Variants in TM2D2 observed in about 807,000 individuals in gnomAD.
TM2D2 encodes TM2 domain-containing protein 2.
A neutral mutation model predicts 23.0 loss-of-function variants in TM2D2; 19 were observed. The observed-to-expected ratio is 0.82, with a 90% CI of 0.58 to 1.21. TM2D2 has a LOEUF of 1.21. TM2D2 is among the 50% of genes most tolerant of loss of function. TM2D2 has a pLI of 0.00. For synonymous variants in TM2D2, 120 were observed against 108.8 expected (o/e 1.10, Z -0.64); for missense variants, 246 against 265.4 (o/e 0.93, Z 0.51).
rs777013596 is a variant in TM2D2, at chr8:38,996,293, G to A, written c.147C>T (p.Ala49=). Residue 49 remains alanine (A), a synonymous_variant, in exon 1 of 4, where the codon GCC becomes GCT. Coordinates refer to ENST00000456397, the MANE Select transcript of TM2D2 (RefSeq NM_078473.3). ...TAEPELTSAG[A]AQPEGPGGAA... is the part of the protein sequence containing the mutation. ...CACCCCCGGGGCCCTCCGGCTGGGC[G>A]GCGCCAGCGGATGTGAGCTCAGGCT... The A allele has an allele frequency of 1.2e-6, 2 of 1,613,914 alleles. No homozygotes were observed. The highest frequency in any genetic ancestry group is 8.5e-7 in the Non-Finnish European group (1 of 1,180,004).
intron 3 of TM2D2, among the ~76,000 whole-genome samples, chr8:38,992,409 TC>T (rs908133940): frequency 2.1e-5 from 3 of 144,902 alleles, no homozygotes; most frequent in African/African-American, 7.6e-5. Context: ...GCCCAGGAGG[TC>T]GAGGCTGCAG....
chr8:38,995,512 C>G lies in TM2D2; in HGVS notation c.228-107G>C, dbSNP rs760025937. 58 of 1,572,888 alleles carry G rather than the reference C, an allele frequency of 3.7e-5. No individual in the cohort carries two copies. In the East Asian group the frequency reaches 1.3e-3, roughly 34 times the overall value. On this transcript the variant is annotated intron_variant, in intron 1 of 3. Coordinates refer to ENST00000456397, the MANE Select transcript of TM2D2 (RefSeq NM_078473.3). ...AAAAGACATTTCTTCATCAAGTTTT[C>G]TGGGGTTCGGTTTCACCCTGCTGAC... is the stretch of plus-strand genomic sequence containing the variant.
upstream of TM2D2, chr8:38,996,830 T>C: frequency 6.9e-7 from 1 of 1,439,744 alleles, no homozygotes; most frequent in South Asian, 1.4e-5. Context: ...AATCCTATTC[T>C]CGCGCCGGGG....
rs148181206 is a variant in TM2D2, at chr8:38,995,117, A to G, written c.315+201T>C. ...TTGGTCTTTGCACCTGGGTGGTTTT[A>G]GCACAGAGATTGCTCCTTCATAAGG... On this transcript the variant is annotated intron_variant, in intron 2 of 3. Transcript: ENST00000456397. The G allele has an allele frequency of 5.7e-4, 275 of 482,588 alleles. 1 individual carries two copies. The highest frequency in any genetic ancestry group is 5.1e-3 in the African/African-American group (248 of 49,038). The allele number at this position is 482,588 out of a possible 1,614,324, so 29.9% of individuals were successfully genotyped here.
intron 2 of TM2D2, 61 bp downstream of exon 2, chr8:38,995,257 C>T: frequency 8.5e-7 from 1 of 1,183,306 alleles, no homozygotes; most frequent in Non-Finnish European, 1.2e-6. Flanking sequence ...TATGTAATAG[C>T]ATTCAGACAT....
rs752509518 is a variant in TM2D2 at position 38,991,551 on chromosome 8, TGAAAGGAATG to T, written c.432-16_432-7del. 2 of 1,599,618 alleles carry T rather than the reference TGAAAGGAATG, an allele frequency of 1.3e-6. No homozygotes were observed. Among genetic ancestry groups the T allele is most frequent in the East Asian group, 4.5e-5 (2 of 44,832 alleles). On this transcript the variant is annotated splice_region_variant and splice_polypyrimidine_tract_variant and intron_variant, in intron 3 of 3. Transcript: ENST00000456397. ...TGAAGTAGTGTCCGGTATACCTAGG[TGAAAGGAATG>T]AAAAGGAAGATGTTTTACTGCACGA...
Position 38,991,407 on chromosome 8 carries a change from C to A in TM2D2, c.570G>T (p.Trp190Cys). The A allele has an allele frequency of 6.2e-7, 1 of 1,614,166 alleles. No individual in the cohort carries two copies. Among genetic ancestry groups the A allele is most frequent in the Non-Finnish European group, 8.5e-7 (1 of 1,180,042 alleles). Residue 190 changes from tryptophan (W) to cysteine (C), a missense_variant, in exon 4 of 4, where the codon TGG becomes TGT. Transcript: ENST00000456397. ...LLTLGGLGIW[W>C]FVDLILLITG... is the part of the protein sequence containing the mutation. ...TAATTAGCAAAATAAGGTCAACAAACCACCAAATCCCAAGTCCTCCAAGCG... is the reference window on the plus strand; with the variant it reads ...TAATTAGCAAAATAAGGTCAACAAAACACCAAATCCCAAGTCCTCCAAGCG...
At chr8:38,995,548 G>C in intron 1 of TM2D2, 143 bp from the exon 2 acceptor site, 1 of 1,518,910 alleles carries the variant, frequency 6.6e-7, no homozygotes, top group Non-Finnish European at 8.8e-7. Flanking sequence ...CCCTTTCCAA[G>C]CCAATTAAAC....
intron 1 of TM2D2, chr8:38,995,624 C>T: frequency 6.9e-7 from 1 of 1,442,162 alleles, no homozygotes; most frequent in Middle Eastern, 2.1e-4. Flanking sequence ...GGAGGTGTTT[C>T]TGGTCCTGTT....
chr8:38,995,588 C>T (rs1835745541), intron 1 of TM2D2, 183 bp from the exon 2 acceptor site: 1 of 1,479,278 alleles, frequency 6.8e-7, no homozygotes. Flanking sequence ...CGGACAGCCA[C>T]CAAAATGAAC....
Position 38,988,843 on chromosome 8 carries a change from A to G in TM2D2, c.*2489T>C, listed in dbSNP as rs772410113. 2 of 152,174 alleles carry G rather than the reference A, an allele frequency of 1.3e-5. No individual in the cohort carries two copies. Among genetic ancestry groups the G allele is most frequent in the Admixed American group, 6.6e-5 (1 of 15,264 alleles). 9.4% of individuals were successfully genotyped at this position (152,174 alleles called of 1,614,324 possible). Reference sequence around the variant, plus strand: ...CTGATAACATTTTATTAAAGGCAAGAAACAACTAAAAGGCAGGCAGCTTCT... The same window carrying G: ...CTGATAACATTTTATTAAAGGCAAGGAACAACTAAAAGGCAGGCAGCTTCT... On this transcript the variant is annotated 3_prime_UTR_variant, in exon 4 of 4. Coordinates refer to ENST00000456397, the MANE Select transcript of TM2D2 (RefSeq NM_078473.3).
At chr8:38,996,034 A>G (rs948818337) in intron 1 of TM2D2, among the ~76,000 whole-genome samples, 179 bp downstream of exon 1, 5 of 152,156 alleles carry the variant, frequency 3.3e-5, no homozygotes, top group African/African-American at 1.2e-4. Flanking sequence ...TCACTGACAC[A>G]CAAGAGTTTT....
rs1316972765 is a variant in TM2D2, at chr8:38,989,324, C to T, written c.*2008G>A. 6.6e-6 allele frequency: 1 copy of T among 152,212 alleles called. No homozygotes were observed. The highest frequency in any genetic ancestry group is 1.5e-5 in the Non-Finnish European group (1 of 68,096). The allele number at this position is 152,212 out of a possible 1,614,324, so 9.4% of individuals were successfully genotyped here. A position where few individuals can be genotyped will look rare whatever the true frequency, so the allele number is the denominator to read the frequency against. ...GGAGCTGCAAAATTTCTTTTTTGGT[C>T]AGAGTCTCACTCTGTTGCCCAGGCT... On this transcript the variant is annotated 3_prime_UTR_variant, in exon 4 of 4. Transcript: ENST00000456397.
At chr8:38,993,849 C>A in intron 2 of TM2D2, 189 bp from the exon 3 acceptor site, 2 of 416,928 alleles carry the variant, frequency 4.8e-6, no homozygotes, top group Non-Finnish European at 8.8e-6. Flanking sequence ...TAAAGGTACA[C>A]TGTCTTAAAT....
upstream of TM2D2, chr8:38,996,787 C>G (rs1450391339): frequency 5.6e-6 from 8 of 1,421,536 alleles, no homozygotes; most frequent in Non-Finnish European, 7.3e-6. Flanking sequence ...GACTGGCGGG[C>G]CGACTAGTGC....
At chr8:38,994,471 A>G (rs184917300) in intron 2 of TM2D2, among the ~76,000 whole-genome samples, 36 of 152,348 alleles carry the variant, frequency 2.4e-4, no homozygotes, top group African/African-American at 7.0e-4. Flanking sequence ...TTTAATCAAT[A>G]ATTATCAACA....
At chr8:38,995,704 A>C in intron 1 of TM2D2, 2 of 1,307,938 alleles carry the variant, frequency 1.5e-6, no homozygotes, top group Non-Finnish European at 1.9e-6. Flanking sequence ...CTGGGGGCAA[A>C]ATTTAAGCCA....
rs767489866 is a variant in TM2D2, at chr8:38,991,395, A to T, written c.582T>A (p.Leu194=). ...GGLGIWWFVD[L]ILLITGGLMP... is the part of the protein sequence containing the mutation. Reference sequence around the variant, plus strand: ...TCAGCCCTCCAGTAATTAGCAAAATAAGGTCAACAAACCACCAAATCCCAA... The same window carrying T: ...TCAGCCCTCCAGTAATTAGCAAAATTAGGTCAACAAACCACCAAATCCCAA... The change falls in exon 4 of 4, where the codon CTT becomes CTA. Residue 194 remains leucine, a synonymous_variant. Transcript: ENST00000456397. 5 of 1,614,156 alleles carry T rather than the reference A, an allele frequency of 3.1e-6. No homozygotes were observed. The highest frequency in any genetic ancestry group is 4.2e-6 in the Non-Finnish European group (5 of 1,180,030).
upstream of TM2D2, chr8:38,996,774 TA>T (rs1050854611): frequency 7.1e-7 from 1 of 1,418,276 alleles, no homozygotes; most frequent in African/African-American, 1.4e-5. Context: ...GCGGGGCGGA[TA>T]TGACTGGCGG....
Sources: allele counts gnomAD v4.1 joint callset (sites outside exome capture counted in the v4.1 genomes callset), GRCh38; gene constraint gnomAD v4.1.1; transcripts MANE v1.5; gene names NCBI Gene and HGNC (gene_info 2026-07-23, HGNC 2026-07-21).